The following C12orf57 variants were observed in gnomAD, a reference collection of about 807,000 sequenced individuals.
The protein encoded by C12orf57 is chromosome 12 open reading frame 57, also known as protein C10.
Under a neutral mutation model 11.3 loss-of-function variants are expected in C12orf57, and 14 were observed. The ratio of observed to expected loss-of-function variants is 1.24; its 90% CI spans 0.82 to 1.94. C12orf57 has a LOEUF of 1.94. Ranked by LOEUF, C12orf57 falls within the 30% of genes most tolerant of loss-of-function variation. The probability of loss-of-function intolerance (pLI) is 0.00; values close to 1 mark genes in which losing one functional copy is unlikely to be tolerated. For synonymous variants in C12orf57, 100 were observed against 74.6 expected, an observed-to-expected ratio of 1.34 and a Z score of -1.76; for missense variants, 229 against 172.4, an observed-to-expected ratio of 1.33 and a Z score of -1.84.
At chr12:6,943,813 C>G (rs142699589), upstream of C12orf57, 37 of 865,890 alleles carry the variant, frequency 4.3e-5, no homozygotes, top group African/African-American at 8.7e-5. Flanking sequence ...AACACATACG[C>G]AGCAGTGTTA....
chr12:6,944,736 G>C, intron 2 of C12orf57, 84 bp downstream of exon 2: 1 of 1,586,924 alleles, frequency 6.3e-7, no homozygotes, highest in Non-Finnish European at 8.6e-7. Flanking sequence ...GGGCCCATGA[G>C]CGGTTGTCCC....
intron 1 of C12orf57, 113 bp downstream of exon 1, chr12:6,944,286 T>A: frequency 6.3e-7 from 1 of 1,599,206 alleles, no homozygotes; most frequent in Non-Finnish European, 8.5e-7. Flanking sequence ...CCTGGCTACG[T>A]CCGCCGGGAA....
At chr12:6,945,726 C>G in intron 2 of C12orf57, 45 bp from the exon 3 acceptor site, 1 of 1,601,058 alleles carries the variant, frequency 6.2e-7, no homozygotes, top group South Asian at 1.1e-5. Context: ...GTCTTAGGCA[C>G]GCTGGTCCTT....
At chr12:6,944,751 C>T (rs782284208) in intron 2 of C12orf57, 99 bp downstream of exon 2, 2 of 1,570,920 alleles carry the variant, frequency 1.3e-6, no homozygotes, top group East Asian at 2.3e-5. Context: ...TGTCCCCTTT[C>T]TCGCCACACG....
In C12orf57 at chr12:6,944,192, A is replaced by T; in HGVS notation, c.52+19A>T. ...GCAAAGGGTGAGAATCGTCCTAGTC[A>T]AGGCATAGGCTGCTGGCCTGGGGTA... On this transcript the variant is annotated intron_variant, in intron 1 of 2. Coordinates refer to ENST00000229281, the MANE Select transcript of C12orf57 (RefSeq NM_138425.4). 1 of 1,565,910 alleles carries T rather than the reference A, an allele frequency of 6.4e-7. No individual in the cohort carries two copies. Among genetic ancestry groups the T allele is most frequent in the Non-Finnish European group, 8.8e-7 (1 of 1,140,592 alleles).
At position 6,944,268 on chromosome 12, in the gene C12orf57, G is replaced by T. The variant is rs1945731895; in HGVS notation, c.52+95G>T. 1.9e-6 allele frequency: 3 copies of T among 1,606,766 alleles called. No homozygotes were observed. In the African/African-American group the frequency reaches 4.0e-5, roughly 21 times the overall value. On this transcript the variant is annotated intron_variant, in intron 1 of 2. Coordinates refer to ENST00000229281, the MANE Select transcript of C12orf57 (RefSeq NM_138425.4). ...GGAGGATGCGGGCGGAGGATGTGGGGCGACAAACCTGGCTACGTCCGCCGG... is the reference window on the plus strand; with the variant it reads ...GGAGGATGCGGGCGGAGGATGTGGGTCGACAAACCTGGCTACGTCCGCCGG...
At position 6,944,142 on chromosome 12, in the gene C12orf57, A is replaced by C; in HGVS notation, c.21A>C (p.Gln7His). ...GCCCTATGGCGTCCGCCTCGACCCA[A>C]CCGGCGGCCTTGAGCGCTGAGCAAG... MASAST[Q>H]PAALSAEQAK... is the part of the protein sequence containing the mutation. The change falls in exon 1 of 3, where the codon CAA (glutamine) becomes CAC (histidine). Residue 7 changes from glutamine (Q) to histidine (H), a missense_variant. Physicochemically the swap from Gln to His is conservative, Grantham distance 24 (BLOSUM62 0). Coordinates refer to ENST00000229281, the MANE Select transcript of C12orf57 (RefSeq NM_138425.4). 1 of 1,614,188 alleles carries C rather than the reference A, an allele frequency of 6.2e-7. No individual in the cohort carries two copies. The highest frequency in any genetic ancestry group is 1.1e-5 in the South Asian group (1 of 91,084).
At chr12:6,944,827 G>C in intron 2 of C12orf57, 175 bp downstream of exon 2, 3 of 1,450,098 alleles carry the variant, frequency 2.1e-6, no homozygotes, top group Non-Finnish European at 2.7e-6. Flanking sequence ...GAGCTTGTGC[G>C]TCCGAGTTGC....
chr12:6,943,749 C>A, upstream of C12orf57: 1 of 1,160,306 alleles, frequency 8.6e-7, no homozygotes, highest in Non-Finnish European at 1.1e-6. Flanking sequence ...AAAAAAGTCA[C>A]CTAAGCTCAC....
rs781905625 is a variant in C12orf57 at position 6,944,623 on chromosome 12, A to C, written c.200A>C (p.Lys67Thr). 1 of 1,614,020 alleles carries C rather than the reference A, an allele frequency of 6.2e-7. No homozygotes were observed. Reference sequence around the variant, plus strand: ...ACGCAGATCCAGCAGGAGGTTATCAAAGCCTATGGCTTCAGCTGCGACGGG... The same window carrying C: ...ACGCAGATCCAGCAGGAGGTTATCACAGCCTATGGCTTCAGCTGCGACGGG... Reference protein sequence around the residue: ...VATQIQQEVIKAYGFSCDGEG... With the variant: ...VATQIQQEVITAYGFSCDGEG... Residue 67 changes from lysine to threonine, a missense_variant, in exon 2 of 3, where the codon AAA (lysine) becomes ACA (threonine). By Grantham distance (78) the Lys-to-Thr change is moderately conservative. Transcript: ENST00000229281.
upstream of C12orf57, chr12:6,943,603 C>T (rs1555145323): frequency 3.1e-6 from 4 of 1,289,724 alleles, no homozygotes; most frequent in Non-Finnish European, 4.0e-6. Context: ...CAATCAGCAC[C>T]GAACTCATTT....
intron 2 of C12orf57, among the ~76,000 whole-genome samples, chr12:6,945,350 C>G (rs1945775280): frequency 6.6e-6 from 1 of 152,090 alleles, no homozygotes; most frequent in Admixed American, 6.6e-5. Flanking sequence ...CAGGGTGTTT[C>G]AGCTAATTTT....
Position 6,944,178 on chromosome 12 carries a change from G to A in C12orf57, c.52+5G>A. On this transcript the variant is annotated splice_donor_5th_base_variant and intron_variant, in intron 1 of 2. Coordinates refer to ENST00000229281, the MANE Select transcript of C12orf57 (RefSeq NM_138425.4). ...TGAGCGCTGAGCAAGCAAAGGGTGA[G>A]AATCGTCCTAGTCAAGGCATAGGCT... The A allele has an allele frequency of 2.5e-6, 4 of 1,614,264 alleles. No individual in the cohort carries two copies. Among genetic ancestry groups the A allele is most frequent in the Non-Finnish European group, 3.4e-6 (4 of 1,180,040 alleles).
Position 6,945,984 on chromosome 12 carries a change from T to C in C12orf57, c.*62T>C. On this transcript the variant is annotated 3_prime_UTR_variant, in exon 3 of 3. Transcript: ENST00000229281. ...AAGGCCTTGATGTTCCAGACAATAA[T>C]AAATGCGCCTGTGACTTAGCCTTGG... The C allele has an allele frequency of 1.3e-6, 2 of 1,545,752 alleles. No homozygotes were observed. Among genetic ancestry groups the C allele is most frequent in the Admixed American group, 1.9e-5 (1 of 53,796 alleles).
upstream of C12orf57, chr12:6,943,964 T>C (rs1196687222): frequency 1.8e-5 from 28 of 1,542,676 alleles, no homozygotes; most frequent in Admixed American, 4.1e-5. Context: ...AGTTGTAAGC[T>C]TGGGGTATGA....
chr12:6,943,975 A>AGGTTTGGGCCACGCCTGGGC (rs1236711989), upstream of C12orf57: 36 of 1,565,326 alleles, frequency 2.3e-5, no homozygotes, highest in Non-Finnish European at 3.1e-5. Context: ...TGGGGTATGA[A>AGGTTTGGGCCACGCCTGGGC]GGTTTGGGCC....
upstream of C12orf57, chr12:6,944,010 C>G (rs780070025): frequency 7.1e-4 from 1,133 of 1,601,838 alleles, 1 homozygote; most frequent in Admixed American, 3.0e-3. Context: ...CCGGCTGCGC[C>G]GGATGCTGTT....
In C12orf57 at chr12:6,945,852, C is replaced by T. The variant is rs782513111; in HGVS notation, c.311C>T (p.Ala104Val). ...GCCAGCCTGTCAGGCAAGCTGAAGG[C>T]GCTGTTTCTGCCGCCCATGACCCTG... ...EIASLSGKLK[A>V]LFLPPMTLPP... The change falls in exon 3 of 3, where the codon GCG (alanine) becomes GTG (valine). Residue 104 changes from alanine to valine, a missense_variant. Coordinates refer to ENST00000229281, the MANE Select transcript of C12orf57 (RefSeq NM_138425.4). 3.5e-5 allele frequency: 57 copies of T among 1,613,814 alleles called. No individual in the cohort carries two copies. Among genetic ancestry groups the T allele is most frequent in the East Asian group, 1.8e-4 (8 of 44,874 alleles).
rs200840884 is a variant in C12orf57, at chr12:6,944,108, G to C, written c.-14G>C. The stretch of plus-strand genomic sequence containing the variant: ...TCCATTTACCTCCGCTGAACCTAGA[G>C]CTTCAGACGCCCTATGGCGTCCGCC... On this transcript the variant is annotated 5_prime_UTR_variant, in exon 1 of 3. Coordinates refer to ENST00000229281, the MANE Select transcript of C12orf57 (RefSeq NM_138425.4). The C allele has an allele frequency of 3.5e-4, 562 of 1,614,212 alleles. No individual in the cohort carries two copies. The highest frequency in any genetic ancestry group is 4.4e-4 in the Non-Finnish European group (517 of 1,180,020).
Sources: allele counts gnomAD v4.1 joint callset (sites outside exome capture counted in the v4.1 genomes callset), GRCh38; gene constraint gnomAD v4.1.1; transcripts MANE v1.5; gene names NCBI Gene and HGNC (gene_info 2026-07-23, HGNC 2026-07-21).